WWOX: variants seen among roughly 807,000 people sequenced by gnomAD.
The protein encoded by WWOX is WW domain-containing oxidoreductase.
WWOX carries 69 observed loss-of-function variants against 46.2 expected under a neutral mutation model. The ratio of observed to expected loss-of-function variants is 1.49; its 90% CI spans 1.23 to 1.82. The LOEUF is 1.82. Among genes scored for constraint, WWOX ranks in the 40% most tolerant of loss-of-function variants. WWOX has a pLI of 0.00. For missense variants in WWOX, 919 were observed against 542.6 expected (o/e 1.69, Z -6.89); for synonymous variants, 359 against 202.6 (o/e 1.77, Z -6.56).
chr16:78,622,582 G>A (rs893705707), intron 8 of WWOX, among the ~76,000 whole-genome samples: 1 of 151,340 alleles, frequency 6.6e-6, no homozygotes, highest in Admixed American at 6.6e-5. Flanking sequence ...TTCTTCCTCT[G>A]TTTGACAGAT....
At chr16:78,456,901 T>A (rs1340040757) in intron 8 of WWOX, among the ~76,000 whole-genome samples, 1 of 152,248 alleles carries the variant, frequency 6.6e-6, no homozygotes, top group Non-Finnish European at 1.5e-5. Context: ...TTAGTTCACG[T>A]GGCGTTGGCT....
intron 8 of WWOX, among the ~76,000 whole-genome samples, chr16:78,929,832 C>T (rs554553095): frequency 2.6e-4 from 39 of 152,274 alleles, no homozygotes; most frequent in Middle Eastern, 3.4e-3. Context: ...GTTTCAGGTG[C>T]AGGAAATGCG....
chr16:78,321,347 T>TAC (rs2080471421), intron 5 of WWOX, among the ~76,000 whole-genome samples: 1 of 55,752 alleles, frequency 1.8e-5, no homozygotes, highest in Non-Finnish European at 3.3e-5. Flanking sequence ...CGTATATATA[T>TAC]ACGTATATAT....
At chr16:78,313,324 G>A (rs570336469) in intron 5 of WWOX, among the ~76,000 whole-genome samples, 4 of 152,172 alleles carry the variant, frequency 2.6e-5, no homozygotes, top group Non-Finnish European at 5.9e-5. Flanking sequence ...CGTCTGAACA[G>A]TGCTGGCTTA....
chr16:78,784,425 T>C (rs7190803), intron 8 of WWOX, among the ~76,000 whole-genome samples: 106,951 of 151,728 alleles, frequency 0.7, 38,074 homozygotes, highest in African/African-American at 0.78. Context: ...CAGGAGCCCT[T>C]AGGCCGCTGG....
intron 8 of WWOX, among the ~76,000 whole-genome samples, chr16:78,676,012 G>C (rs554857530): frequency 6.6e-6 from 1 of 152,116 alleles, no homozygotes; most frequent in South Asian, 2.1e-4. Context: ...ATATGATCTA[G>C]TACAAAGAAT....
chr16:78,722,336 T>A (rs1456445484), intron 8 of WWOX, among the ~76,000 whole-genome samples: 1 of 152,168 alleles, frequency 6.6e-6, no homozygotes, highest in South Asian at 2.1e-4. Flanking sequence ...GTCTCAGTTT[T>A]CTCATCTGTA....
chr16:79,003,903 A>G (rs2047142415), intron 8 of WWOX, among the ~76,000 whole-genome samples: 1 of 152,120 alleles, frequency 6.6e-6, no homozygotes, highest in South Asian at 2.1e-4. Flanking sequence ...ATGAGAGGAG[A>G]AGCGAATTGA....
chr16:79,091,201 C>A (rs2048953065), intron 8 of WWOX, among the ~76,000 whole-genome samples: 1 of 152,104 alleles, frequency 6.6e-6, no homozygotes, highest in African/African-American at 2.4e-5. Flanking sequence ...TTTTCCTCTT[C>A]CTATAAAACA....
rs138156426 is a variant in WWOX at position 78,300,913 on chromosome 16, C to T, written c.517-85947C>T. 2.3e-3 allele frequency among the ~76,000 whole-genome samples: 352 copies of T among 152,134 alleles called. 1 individual carries two copies. Among genetic ancestry groups the T allele is most frequent in the Middle Eastern group, 0.014 (4 of 294 alleles). ...AATGTTTTGCCATGTTTTGTCAGTT[C>T]ATCTATCTGTCCATCTCTTTGTCCA... On this transcript the variant is annotated intron_variant, in intron 5 of 8. Transcript: ENST00000566780.
chr16:78,822,643 G>A (rs2051535629), intron 8 of WWOX, among the ~76,000 whole-genome samples: 1 of 152,156 alleles, frequency 6.6e-6, no homozygotes, highest in African/African-American at 2.4e-5. Flanking sequence ...CTAATGGGTG[G>A]AATATTATTT....
At chr16:78,713,161 G>T (rs1357058892) in intron 8 of WWOX, among the ~76,000 whole-genome samples, 1 of 150,872 alleles carries the variant, frequency 6.6e-6, no homozygotes, top group Non-Finnish European at 1.5e-5. Flanking sequence ...GGTCCCAGCT[G>T]CTTGGGAGGT....
chr16:78,469,409 G>A (rs992826610), intron 8 of WWOX, among the ~76,000 whole-genome samples: 1 of 152,084 alleles, frequency 6.6e-6, no homozygotes, highest in Admixed American at 6.5e-5. Context: ...ACTTGGAGAA[G>A]GGCTGAAGGC....
At chr16:78,399,559 C>G (rs1175670752) in intron 6 of WWOX, among the ~76,000 whole-genome samples, 2 of 152,170 alleles carry the variant, frequency 1.3e-5, no homozygotes, top group East Asian at 3.9e-4. Flanking sequence ...ATCAAGCCTG[C>G]TCTTTGACCT....
chr16:79,111,349 C>T (rs1346747082), intron 8 of WWOX, among the ~76,000 whole-genome samples: 2 of 152,174 alleles, frequency 1.3e-5, no homozygotes, highest in Non-Finnish European at 2.9e-5. Context: ...AAAATCCAAC[C>T]AGTGTGTTCA....
chr16:78,716,361 C>G (rs569598024), intron 8 of WWOX, among the ~76,000 whole-genome samples: 1 of 152,050 alleles, frequency 6.6e-6, no homozygotes, highest in Non-Finnish European at 1.5e-5. Context: ...TTCTGGGTTC[C>G]GCAACTGCAA....
chr16:79,027,761 T>G (rs550430097), intron 8 of WWOX, among the ~76,000 whole-genome samples: 1 of 151,924 alleles, frequency 6.6e-6, no homozygotes, highest in Admixed American at 6.5e-5. Flanking sequence ...TTAGATGTCT[T>G]TTTTTGATAT....
intron 8 of WWOX, among the ~76,000 whole-genome samples, chr16:78,929,345 C>A (rs929137100): frequency 6.6e-6 from 1 of 151,694 alleles, no homozygotes. Flanking sequence ...TTTTCAGTTT[C>A]TATATAGTGC....
intron 5 of WWOX, among the ~76,000 whole-genome samples, chr16:78,194,964 C>A (rs970371597): frequency 6.6e-6 from 1 of 152,208 alleles, no homozygotes; most frequent in East Asian, 1.9e-4. Flanking sequence ...GATAGCAGGT[C>A]CTTTTTAAAC....
Sources: gnomAD v4.1 joint callset for allele counts (sites outside exome capture counted in the v4.1 genomes callset) on GRCh38, gnomAD v4.1.1 for gene constraint, MANE v1.5 for transcripts, NCBI Gene and HGNC (gene_info 2026-07-23, HGNC 2026-07-21) for gene names.